The following EML6 variants were observed in gnomAD, a reference collection of about 807,000 sequenced individuals.
EML6 encodes the protein EMAP like 6, also known as echinoderm microtubule-associated protein-like 6.
Under a neutral mutation model 240.1 loss-of-function variants are expected in EML6, and 154 were observed. The observed-to-expected ratio is 0.64, with a 90% confidence interval of 0.56 to 0.73. The LOEUF (loss-of-function observed/expected upper bound fraction) is 0.73. Among genes scored for constraint, EML6 ranks in the 30% least tolerant of loss-of-function variants. EML6 has a pLI of 0.00. For synonymous variants in EML6, 1,148 were observed against 899.0 expected (o/e 1.28, Z -4.95); for missense variants, 2,964 against 2,474.6 (o/e 1.20, Z -4.20).
intron 2 of EML6, among the ~76,000 whole-genome samples, chr2:54,757,663 T>C (rs1667796286): frequency 6.6e-6 from 1 of 152,094 alleles, no homozygotes; most frequent in South Asian, 2.1e-4. Context: ...TCACTGTTCT[T>C]TACACAAGCT....
chr2:54,878,602 C>G (rs1168158225), intron 16 of EML6, among the ~76,000 whole-genome samples: 1 of 152,112 alleles, frequency 6.6e-6, no homozygotes, highest in African/African-American at 2.4e-5. Context: ...GGAAAATAAC[C>G]TAAATGTCCA....
rs994723921 is a variant in EML6, at chr2:54,950,609, C to G, written c.4084-41C>G. The G allele has an allele frequency of 3.0e-5, 46 of 1,548,260 alleles. No homozygotes were observed. The African/African-American group carries it at 4.5e-4, about 15-fold the overall frequency. The stretch of plus-strand genomic sequence containing the variant: ...GGGTGTGTTCCTCGGCTCTCCCTTC[C>G]TTCCTCTGAGGGTCACATTGATCTG... On this transcript the variant is annotated intron_variant, in intron 29 of 41. Transcript: ENST00000356458.
At chr2:54,906,537 A>G (rs1673337893) in intron 24 of EML6, among the ~76,000 whole-genome samples, 1 of 152,184 alleles carries the variant, frequency 6.6e-6, no homozygotes, top group East Asian at 1.9e-4. Flanking sequence ...CCTGGGAATG[A>G]GCAGGAGAGG....
chr2:54,793,925 A>G (rs997582757), intron 2 of EML6, among the ~76,000 whole-genome samples: 1 of 152,158 alleles, frequency 6.6e-6, no homozygotes, highest in African/African-American at 2.4e-5. Flanking sequence ...CTTCTCAAAG[A>G]GAAAGTGTCT....
At chr2:54,964,220 C>G in intron 37 of EML6, 62 bp downstream of exon 37, 1 of 1,484,392 alleles carries the variant, frequency 6.7e-7, no homozygotes, top group African/African-American at 1.4e-5. Context: ...ACCAGTGGTT[C>G]CCATTCCAGC....
chr2:54,913,238 G>T (rs1359530868), intron 25 of EML6, among the ~76,000 whole-genome samples: 1 of 150,058 alleles, frequency 6.7e-6, no homozygotes, highest in Admixed American at 6.6e-5. Flanking sequence ...CATATCTTTT[G>T]CCCACTTTTT....
chr2:54,968,281 T>A lies in EML6; in HGVS notation c.5751T>A (p.Phe1917Leu). 1 of 1,551,726 alleles carries A rather than the reference T, an allele frequency of 6.4e-7. No homozygotes were observed. Among genetic ancestry groups the A allele is most frequent in the South Asian group, 1.2e-5 (1 of 84,062 alleles). The change falls in exon 40 of 42, where the codon TTT (phenylalanine) becomes TTA (leucine). Residue 1917 changes from phenylalanine (F) to leucine (L), a missense_variant and splice_region_variant. Physicochemically the swap from Phe to Leu is conservative, Grantham distance 22. Transcript: ENST00000356458. ...TTGATTTTCCATGCACAGAAAAATT[T>A]GTGAGTGTTCCTCAGAGTAACCTCC... Reference protein sequence around the residue: ...KLFDFPCTEKFAKHKRYFGHS... With the variant: ...KLFDFPCTEKLAKHKRYFGHS...
At chr2:54,856,796 T>C (rs1670406234) in intron 11 of EML6, among the ~76,000 whole-genome samples, 1 of 152,018 alleles carries the variant, frequency 6.6e-6, no homozygotes, top group Non-Finnish European at 1.5e-5. Flanking sequence ...TTACATGGAG[T>C]GATGTGACCA....
At position 54,892,042 on chromosome 2, in the gene EML6, C is replaced by T. The variant is rs546136490; in HGVS notation, c.2540-412C>T. Among the ~76,000 whole-genome samples, 4 of 149,542 alleles carry T rather than the reference C, an allele frequency of 2.7e-5. No homozygotes were observed. In the East Asian group the frequency reaches 8.0e-4, roughly 30 times the overall value. ...TACTATTTTTATCGTTTTTGGTCAG[C>T]ATTCATGAAGACTTTGCTTGCTCCT... is the stretch of plus-strand genomic sequence containing the variant. On this transcript the variant is annotated intron_variant, in intron 18 of 41. Transcript: ENST00000356458.
intron 2 of EML6, among the ~76,000 whole-genome samples, chr2:54,784,110 ATTAT>A (rs1434480476): frequency 6.6e-6 from 1 of 152,018 alleles, no homozygotes; most frequent in Non-Finnish European, 1.5e-5. Flanking sequence ...CTCATGCCTA[ATTAT>A]TTATTTTTTT....
intron 7 of EML6, among the ~76,000 whole-genome samples, chr2:54,832,484 G>C (rs1356232395): frequency 6.6e-6 from 1 of 152,196 alleles, no homozygotes; most frequent in African/African-American, 2.4e-5. Context: ...GGCAAGTGGA[G>C]GTGTGCCCCA....
Position 54,968,231 on chromosome 2 carries a change from G to T in EML6, c.5701G>T (p.Asp1901Tyr), listed in dbSNP as rs1259025389. 3.2e-6 allele frequency: 5 copies of T among 1,551,776 alleles called. No homozygotes were observed. Among genetic ancestry groups the T allele is most frequent in the Non-Finnish European group, 4.4e-6 (5 of 1,147,012 alleles). ...THAGLNIVTGDDFGLVKLFDF... is the reference protein window; with the variant it reads ...THAGLNIVTGYDFGLVKLFDF... ...CGCTGGCCTGAACATTGTCACAGGA[G>T]ATGACTTTGGGCTGGTGAAGCTCTT... The change falls in exon 40 of 42, where the codon GAT becomes TAT. Residue 1901 changes from aspartate to tyrosine, a missense_variant. Transcript: ENST00000356458.
intron 2 of EML6, among the ~76,000 whole-genome samples, chr2:54,760,131 G>C (rs998680722): frequency 2.6e-5 from 4 of 150,954 alleles, no homozygotes; most frequent in African/African-American, 9.7e-5. Context: ...GATTTATTTA[G>C]TGTTTGACTC....
intron 2 of EML6, among the ~76,000 whole-genome samples, chr2:54,753,264 T>C (rs1450879779): frequency 1.3e-5 from 2 of 152,222 alleles, no homozygotes; most frequent in African/African-American, 4.8e-5. Flanking sequence ...TGATCATCAA[T>C]AACATTGAGC....
At chr2:54,806,859 G>A (rs1056687867) in intron 2 of EML6, among the ~76,000 whole-genome samples, 4 of 152,044 alleles carry the variant, frequency 2.6e-5, no homozygotes, top group African/African-American at 7.2e-5. Context: ...GGCACAGAGA[G>A]GTTGAGTAAT....
chr2:54,748,682 C>T (rs937243382), intron 2 of EML6, among the ~76,000 whole-genome samples: 1 of 152,120 alleles, frequency 6.6e-6, no homozygotes, highest in African/African-American at 2.4e-5. Flanking sequence ...ACCCTAGCCT[C>T]CTGAGTAGCT....
Position 54,950,664 on chromosome 2 carries a change from C to T in EML6, c.4098C>T (p.Asp1366=). 1.9e-6 allele frequency: 3 copies of T among 1,551,626 alleles called. No individual in the cohort carries two copies. Among genetic ancestry groups the T allele is most frequent in the African/African-American group, 1.4e-5 (1 of 73,174 alleles). The change falls in exon 30 of 42, where the codon GAC becomes GAT. Residue 1366 remains aspartate (D), a synonymous_variant. Transcript: ENST00000356458. ...KKKLVEELAL[D]HVFGYRGFDC... Reference sequence around the variant, plus strand: ...TGTGAATGCAGGAGCTGGCTCTAGACCACGTGTTTGGCTACAGAGGTTTCG... The same window carrying T: ...TGTGAATGCAGGAGCTGGCTCTAGATCACGTGTTTGGCTACAGAGGTTTCG...
chr2:54,880,060 G>A (rs890397276), intron 17 of EML6: 1 of 155,418 alleles, frequency 6.4e-6, no homozygotes, highest in African/African-American at 2.4e-5. Context: ...CTGGAAAGGA[G>A]GCCCCACCGT....
intron 34 of EML6, among the ~76,000 whole-genome samples, chr2:54,959,582 T>C (rs981095598): frequency 7.2e-5 from 11 of 151,982 alleles, no homozygotes; most frequent in Non-Finnish European, 1.6e-4. Context: ...GTCAACATGG[T>C]GAAACCCTGA....
Sources: gnomAD v4.1 joint callset for allele counts (sites outside exome capture counted in the v4.1 genomes callset) on GRCh38, gnomAD v4.1.1 for gene constraint, MANE v1.5 for transcripts, NCBI Gene and HGNC (gene_info 2026-07-23, HGNC 2026-07-21) for gene names.